Variants in PCDHA2 observed in about 807,000 individuals in gnomAD.
PCDHA2 encodes protocadherin alpha-2.
In PCDHA2, 58 loss-of-function variants were observed where a neutral mutation model predicts 66.0. The ratio of observed to expected loss-of-function variants is 0.88; its 90% CI spans 0.71 to 1.09. The LOEUF is 1.09. Ranked by LOEUF, PCDHA2 falls within the 50% of genes least tolerant of loss-of-function variation. The pLI is 0.00. For synonymous variants in PCDHA2, 634 were observed against 554.0 expected (o/e 1.14, Z -2.03); for missense variants, 1,267 against 1,242.3 (o/e 1.02, Z -0.30).
chr5:140,886,844 A>AG lies in PCDHA2; in HGVS notation c.2388+89492_2388+89493insG, dbSNP rs1203919867. Among the ~76,000 whole-genome samples, 142 of 150,728 alleles carry AG rather than the reference A, an allele frequency of 9.4e-4. 2 individuals are homozygous for AG. Among genetic ancestry groups the AG allele is most frequent in the African/African-American group, 2.8e-3 (117 of 41,122 alleles). ...TTCGTCTTGAAAAAAAAAAAAAAAAAAAAGAAAGGTCTTCCCAACTCCTAT... is the reference window on the plus strand; with the variant it reads ...TTCGTCTTGAAAAAAAAAAAAAAAAAGAAAGAAAGGTCTTCCCAACTCCTAT... On this transcript the variant is annotated intron_variant, in intron 1 of 3. Coordinates refer to ENST00000526136, the MANE Select transcript of PCDHA2 (RefSeq NM_018905.3).
chr5:140,913,942 T>A (rs1489221369), intron 1 of PCDHA2, among the ~76,000 whole-genome samples: 10 of 152,198 alleles, frequency 6.6e-5, no homozygotes, highest in African/African-American at 2.4e-4. Flanking sequence ...GAGAAGAATC[T>A]TGATATGATA....
intron 1 of PCDHA2, among the ~76,000 whole-genome samples, chr5:140,977,305 AC>A (rs1424604910): frequency 6.6e-6 from 1 of 152,258 alleles, no homozygotes; most frequent in African/African-American, 2.4e-5. Flanking sequence ...TGACAAGCTA[AC>A]GATAGTGCTC....
intron 1 of PCDHA2, chr5:140,828,617 G>C (rs2150157424): frequency 6.2e-7 from 1 of 1,614,158 alleles, no homozygotes. Context: ...CAGTTCTAGC[G>C]AATACTTCGG....
At chr5:140,894,740 AT>A (rs1157881854) in intron 1 of PCDHA2, among the ~76,000 whole-genome samples, 3 of 150,972 alleles carry the variant, frequency 2.0e-5, no homozygotes, top group Non-Finnish European at 3.0e-5. Flanking sequence ...AATTTGTGGA[AT>A]TTTTTTTCTT....
At chr5:140,983,299 A>T (rs1554245269) in intron 3 of PCDHA2, among the ~76,000 whole-genome samples, 1 of 152,186 alleles carries the variant, frequency 6.6e-6, no homozygotes. Flanking sequence ...GCTTAAACTC[A>T]CATTTGCTTG....
At chr5:140,982,192 G>A (rs1390222750) in intron 2 of PCDHA2, among the ~76,000 whole-genome samples, 4 of 152,230 alleles carry the variant, frequency 2.6e-5, no homozygotes, top group Non-Finnish European at 4.4e-5. Context: ...TGGGCTTCCT[G>A]TTAGATTTAG....
At chr5:140,976,597 G>A (rs1477005420) in intron 1 of PCDHA2, among the ~76,000 whole-genome samples, 1 of 152,062 alleles carries the variant, frequency 6.6e-6, no homozygotes, top group South Asian at 2.1e-4. Flanking sequence ...TTTGTGTTAA[G>A]GGGACCTAAA....
At chr5:140,956,381 G>T (rs1380347643) in intron 1 of PCDHA2, among the ~76,000 whole-genome samples, 2 of 152,090 alleles carry the variant, frequency 1.3e-5, no homozygotes, top group African/African-American at 4.8e-5. Context: ...TTTTATCGAA[G>T]GCCTTTTCTG....
At chr5:140,967,789 T>A (rs782032459) in intron 1 of PCDHA2, 2 of 1,614,076 alleles carry the variant, frequency 1.2e-6, no homozygotes, top group Non-Finnish European at 1.7e-6. Context: ...CTGACCGGGG[T>A]CCAGTGCCCA....
intron 1 of PCDHA2, chr5:140,821,808 C>T: frequency 6.2e-7 from 1 of 1,613,554 alleles, no homozygotes; most frequent in Non-Finnish European, 8.5e-7. Flanking sequence ...GTCTGGGATC[C>T]CGGCTCCTGC....
At chr5:140,926,908 G>C (rs950305439) in intron 1 of PCDHA2, 2 of 1,560,316 alleles carry the variant, frequency 1.3e-6, no homozygotes, top group Admixed American at 1.8e-5. Flanking sequence ...GGGCTGTGGG[G>C]TGGCAGTTTT....
intron 1 of PCDHA2, among the ~76,000 whole-genome samples, chr5:140,918,860 A>G (rs1264660506): frequency 6.6e-6 from 1 of 152,218 alleles, no homozygotes; most frequent in Non-Finnish European, 1.5e-5. Context: ...TGCCTGAATC[A>G]TGAACTTTCA....
Position 140,796,279 on chromosome 5 carries a change from A to G in PCDHA2, c.1315A>G (p.Thr439Ala). The G allele has an allele frequency of 4.3e-6, 7 of 1,614,096 alleles. No homozygotes were observed. Among genetic ancestry groups the G allele is most frequent in the Non-Finnish European group, 5.9e-6 (7 of 1,180,038 alleles). Residue 439 changes from threonine to alanine, a missense_variant, in exon 1 of 4, where the codon ACC becomes GCC. Thr to Ala is a moderately conservative substitution (Grantham distance 58). Coordinates refer to ENST00000526136, the MANE Select transcript of PCDHA2 (RefSeq NM_018905.3). ...DGGSPSLWAT[T>A]SVSIEVADVN... is the part of the protein sequence containing the mutation. ...GGGCTCGCCTTCACTGTGGGCCACC[A>G]CCAGCGTGTCCATCGAGGTGGCCGA... is the stretch of plus-strand genomic sequence containing the variant.
chr5:140,922,926 T>C (rs1476173998), intron 1 of PCDHA2, among the ~76,000 whole-genome samples: 2 of 152,222 alleles, frequency 1.3e-5, no homozygotes, highest in African/African-American at 4.8e-5. Context: ...CTTCAGACTT[T>C]TACTTCCAGC....
At chr5:140,848,598 G>A (rs2150413954) in intron 1 of PCDHA2, 3 of 1,593,830 alleles carry the variant, frequency 1.9e-6, no homozygotes, top group East Asian at 2.2e-5. Flanking sequence ...CCACTACTCC[G>A]TCCCGGAGGA....
Position 140,856,935 on chromosome 5 carries a change from A to G in PCDHA2, c.2388+59583A>G, listed in dbSNP as rs1554149306. 4 of 1,594,120 alleles carry G rather than the reference A, an allele frequency of 2.5e-6. 1 individual carries two copies. The African/African-American group carries it at 5.4e-5, about 21-fold the overall frequency. ...ATAAGAAGGAAATTTTGGATAAACGAAAGGACGGGAGAAATAAAAGTAAAT... is the reference window on the plus strand; with the variant it reads ...ATAAGAAGGAAATTTTGGATAAACGGAAGGACGGGAGAAATAAAAGTAAAT... On this transcript the variant is annotated intron_variant, in intron 1 of 3. Transcript: ENST00000526136.
intron 1 of PCDHA2, chr5:140,869,446 C>A (rs2051137912): frequency 1.2e-6 from 2 of 1,614,070 alleles, no homozygotes; most frequent in Admixed American, 1.7e-5. Context: ...CAGGCCGCTG[C>A]AGGTTTTCCA....
chr5:140,892,772 C>G (rs1053940130), intron 1 of PCDHA2, among the ~76,000 whole-genome samples: 1 of 152,144 alleles, frequency 6.6e-6, no homozygotes, highest in African/African-American at 2.4e-5. Context: ...ACTCTTCTAG[C>G]TTCTTGAAAA....
intron 1 of PCDHA2, chr5:140,967,224 A>G (rs2096116008): frequency 6.2e-7 from 1 of 1,613,708 alleles, no homozygotes; most frequent in Non-Finnish European, 8.5e-7. Flanking sequence ...CGGCCCAACT[A>G]CCAGCTTCAG....
Sources: allele counts gnomAD v4.1 joint callset (sites outside exome capture counted in the v4.1 genomes callset), GRCh38; gene constraint gnomAD v4.1.1; transcripts MANE v1.5; gene names NCBI Gene and HGNC (gene_info 2026-07-23, HGNC 2026-07-21).